SNED1: variants seen among roughly 807,000 people sequenced by gnomAD.
The protein encoded by SNED1 is sushi, nidogen and EGF-like domain-containing protein 1.
SNED1 carries 81 observed loss-of-function variants against 166.7 expected under a neutral mutation model. That is an observed-to-expected ratio of 0.49 (90% CI 0.41 to 0.58). The LOEUF (loss-of-function observed/expected upper bound fraction) is 0.58, where lower values mean the gene tolerates loss of function less well. SNED1 is among the 20% of genes least tolerant of loss of function. SNED1 has a pLI of 0.00. For synonymous variants in SNED1, 762 were observed against 822.0 expected (o/e 0.93, Z 1.25); for missense variants, 1,604 against 2,000.2 (o/e 0.80, Z 3.78).
At chr2:241,089,191 C>G in intron 31 of SNED1, 1 of 1,132,706 alleles carries the variant, frequency 8.8e-7, no homozygotes, top group East Asian at 2.6e-5. Context: ...TACTGACCAT[C>G]ATTTTTTATC....
At chr2:240,998,596 T>A (rs1456603650), upstream of SNED1, among the ~76,000 whole-genome samples, 1 of 151,810 alleles carries the variant, frequency 6.6e-6, no homozygotes, top group Admixed American at 6.6e-5. Flanking sequence ...GATATTTAAA[T>A]CGTGGCCCCA....
chr2:241,061,281 A>G (rs80303968), intron 16 of SNED1, among the ~76,000 whole-genome samples: 4,026 of 152,360 alleles, frequency 0.026, 351 homozygotes, highest in East Asian at 0.21. Flanking sequence ...ATTCTATTTC[A>G]TTAGTAATCA....
At chr2:241,052,687 CGGCGGGGGGG>C (rs796321514) in intron 15 of SNED1, among the ~76,000 whole-genome samples, 242 of 1,694 alleles carry the variant, frequency 0.14, 41 homozygotes, top group South Asian at 0.49. Flanking sequence ...GTGAGAGGGT[CGGCGGGGGGG>C]GGGGGGGTCA....
At position 241,070,137 on chromosome 2, in the gene SNED1, A is replaced by G. The variant is rs748213128; in HGVS notation, c.3525A>G (p.Ile1175Met). The part of the protein sequence containing the change: ...LPGRRYQLSV[I>M]AVQSTELGPQ... ...GACGGCGGTACCAGCTCTCTGTGATAGCAGTGCAGAGCACGGAGCTCGGGC... is the reference window on the plus strand; with the variant it reads ...GACGGCGGTACCAGCTCTCTGTGATGGCAGTGCAGAGCACGGAGCTCGGGC... The change falls in exon 24 of 32, where the codon ATA (isoleucine) becomes ATG (methionine). Residue 1175 changes from isoleucine to methionine, a missense_variant. Coordinates refer to ENST00000310397, the MANE Select transcript of SNED1 (RefSeq NM_001080437.3). 1.9e-6 allele frequency: 3 copies of G among 1,611,534 alleles called. No homozygotes were observed. The highest frequency in any genetic ancestry group is 2.5e-6 in the Non-Finnish European group (3 of 1,179,632).
At position 241,087,200 on chromosome 2, in the gene SNED1, A is replaced by G. The variant is rs2063626901; in HGVS notation, c.4122-192A>G. The G allele has an allele frequency of 8.6e-6, 5 of 580,612 alleles. No homozygotes were observed. In the South Asian group the frequency reaches 9.7e-5, roughly 11 times the overall value. The allele number at this position is 580,612 out of a possible 1,614,324, so 36.0% of individuals were successfully genotyped here. On this transcript the variant is annotated intron_variant, in intron 29 of 31. Transcript: ENST00000310397. ...TATGCATATTACTGTACCACAATAAATTTATTACAAATCACATGACCTTTA... is the reference window on the plus strand; with the variant it reads ...TATGCATATTACTGTACCACAATAAGTTTATTACAAATCACATGACCTTTA...
chr2:241,081,877 C>G, intron 28 of SNED1, 84 bp downstream of exon 28: 5 of 1,033,034 alleles, frequency 4.8e-6, no homozygotes, highest in Non-Finnish European at 7.3e-6. Flanking sequence ...GCTGGGTTTG[C>G]CACGGGAGCC....
intron 16 of SNED1, among the ~76,000 whole-genome samples, chr2:241,061,727 A>C (rs939746714): frequency 6.6e-6 from 1 of 152,078 alleles, no homozygotes; most frequent in Non-Finnish European, 1.5e-5. Flanking sequence ...TCTACTAAAA[A>C]TACAAAAATT....
rs368778916 is a variant in SNED1, at chr2:241,070,159, G to A, written c.3547G>A (p.Gly1183Arg). Residue 1183 changes from glycine to arginine, a missense_variant, in exon 24 of 32, where the codon GGG becomes AGG. Gly to Arg is a moderately radical substitution (Grantham distance 125). Coordinates refer to ENST00000310397, the MANE Select transcript of SNED1 (RefSeq NM_001080437.3). ...GATAGCAGTGCAGAGCACGGAGCTC[G>A]GGCCGCAGCACAGCGAGCCCGCCCA... ...SVIAVQSTEL[G>R]PQHSEPAHLY... 206 of 1,605,590 alleles carry A rather than the reference G, an allele frequency of 1.3e-4. No homozygotes were observed. The highest frequency in any genetic ancestry group is 1.8e-4 in the East Asian group (8 of 44,582).
intron 1 of SNED1, among the ~76,000 whole-genome samples, chr2:241,024,398 A>C (rs1386223243): frequency 6.7e-6 from 1 of 148,768 alleles, no homozygotes; most frequent in Non-Finnish European, 1.5e-5. Context: ...GGTGCCCACC[A>C]CTACACCCAG....
At position 241,081,759 on chromosome 2, in the gene SNED1, C is replaced by T. The variant is rs1220716661; in HGVS notation, c.3999C>T (p.Cys1333=). 8 of 1,602,700 alleles carry T rather than the reference C, an allele frequency of 5.0e-6. No homozygotes were observed. The highest frequency in any genetic ancestry group is 4.5e-5 in the East Asian group (2 of 44,338). ...GCGCAGACGCCCACAGCTGTGACTGCGGGCCAGGGTTCAAAGGCAGACGCT... is the reference window on the plus strand; with the variant it reads ...GCGCAGACGCCCACAGCTGTGACTGTGGGCCAGGGTTCAAAGGCAGACGCT... ...VPGADAHSCD[C]GPGFKGRRCE... The change falls in exon 28 of 32, where the codon TGC becomes TGT. Residue 1333 remains cysteine (C), a synonymous_variant. Coordinates refer to ENST00000310397, the MANE Select transcript of SNED1 (RefSeq NM_001080437.3).
intron 26 of SNED1, chr2:241,072,548 T>C (rs560292684): frequency 3.1e-6 from 1 of 318,350 alleles, no homozygotes; most frequent in South Asian, 2.5e-5. Flanking sequence ...GTCACCAGTT[T>C]AATGAACACG....
intron 27 of SNED1, among the ~76,000 whole-genome samples, chr2:241,078,524 G>C (rs1404613528): frequency 2.6e-5 from 4 of 151,856 alleles, no homozygotes; most frequent in African/African-American, 7.3e-5. Flanking sequence ...ATGCTAAGTG[G>C]AAGAAGCCAG....
rs1398022191 is a variant in SNED1 at position 241,078,395 on chromosome 2, AAAAG to A, written c.3917-3270_3917-3267del. ...TAGACTCCGTCTCAAAAAAAAAAAA[AAAAG>A]AAAGAAAGAAAAGAAAGGATAAGCA... On this transcript the variant is annotated intron_variant, in intron 27 of 31. Coordinates refer to ENST00000310397, the MANE Select transcript of SNED1 (RefSeq NM_001080437.3). Among the ~76,000 whole-genome samples the A allele has an allele frequency of 1.1e-3, 158 of 149,294 alleles. No homozygotes were observed. The East Asian group carries it at 0.02, about 19-fold the overall frequency.
intron 27 of SNED1, among the ~76,000 whole-genome samples, chr2:241,077,977 TATACCCAA>T (rs2063107972): frequency 6.6e-6 from 1 of 152,124 alleles, no homozygotes; most frequent in Admixed American, 6.6e-5. Context: ...CTCCTAGGTA[TATACCCAA>T]GAGAAATGAA....
At chr2:241,072,485 T>C (rs2062781446) in intron 26 of SNED1, 2 of 341,420 alleles carry the variant, frequency 5.9e-6, no homozygotes, top group South Asian at 2.2e-5. Flanking sequence ...GGCCCTTGCC[T>C]CTCACCTGGA....
intron 16 of SNED1, among the ~76,000 whole-genome samples, chr2:241,059,317 G>T (rs1039955797): frequency 1.3e-5 from 2 of 152,212 alleles, no homozygotes; most frequent in African/African-American, 4.8e-5. Flanking sequence ...TTTAAGAAAG[G>T]AATGATACCA....
At chr2:241,089,246 A>G in intron 31 of SNED1, 2 of 1,503,486 alleles carry the variant, frequency 1.3e-6, no homozygotes, top group Non-Finnish European at 1.8e-6. Context: ...GGCCTAGGAC[A>G]GCTTTGCTCT....
chr2:240,998,009 G>A (rs2059965972), upstream of SNED1, among the ~76,000 whole-genome samples: 2 of 152,238 alleles, frequency 1.3e-5, no homozygotes, highest in African/African-American at 4.8e-5. Flanking sequence ...CTTGCCCCCA[G>A]GGCCTGAGTG....
chr2:241,093,549 G>T lies in SNED1; in HGVS notation c.*1913G>T, dbSNP rs998112654. The T allele has an allele frequency of 7.9e-6, 1 of 126,868 alleles. No individual in the cohort carries two copies. The highest frequency in any genetic ancestry group is 3.9e-5 in the African/African-American group (1 of 25,910). 7.9% of individuals were successfully genotyped at this position (126,868 alleles called of 1,614,324 possible). A position where few individuals can be genotyped will look rare whatever the true frequency, so the allele number is the denominator to read the frequency against. On this transcript the variant is annotated 3_prime_UTR_variant, in exon 32 of 32. Transcript: ENST00000310397. The stretch of plus-strand genomic sequence containing the variant: ...GCTCCAGTGTTAGCTTAGAAGCCTT[G>T]TGTCAACAAGAACTGGCTCCTGAGT...
Sources: gnomAD v4.1 joint callset for allele counts (sites outside exome capture counted in the v4.1 genomes callset) on GRCh38, gnomAD v4.1.1 for gene constraint, MANE v1.5 for transcripts, NCBI Gene and HGNC (gene_info 2026-07-23, HGNC 2026-07-21) for gene names.